Variants in RGS14 observed in about 807,000 individuals in gnomAD.
RGS14 encodes the protein regulator of G-protein signaling 14.
In RGS14, 33 loss-of-function variants were observed where a neutral mutation model predicts 63.8. That is an observed-to-expected ratio of 0.52 (90% CI 0.39 to 0.69). The LOEUF (loss-of-function observed/expected upper bound fraction) is 0.69. RGS14 is among the 30% of genes least tolerant of loss of function. The pLI is 0.00. For missense variants in RGS14, 739 were observed against 742.9 expected (o/e 0.99, Z 0.06); for synonymous variants, 296 against 320.9 (o/e 0.92, Z 0.83).
chr5:177,369,514 GC>G (rs1762189364), intron 9 of RGS14, among the ~76,000 whole-genome samples: 1 of 152,136 alleles, frequency 6.6e-6, no homozygotes, highest in Admixed American at 6.5e-5. Context: ...TGTCCTCCTG[GC>G]CCACAGGCTG....
At chr5:177,370,762 GCCCCGCCCCTGGGACAAA>G (rs1762220981) in intron 10 of RGS14, 98 bp downstream of exon 10, 3 of 1,482,086 alleles carry the variant, frequency 2.0e-6, no homozygotes, top group Non-Finnish European at 2.8e-6. Flanking sequence ...CCTCGTGCTA[GCCCCGCCCCTGGGACAAA>G]CCCCGCCCCC....
chr5:177,367,457 A>G lies in RGS14; in HGVS notation c.527A>G (p.Lys176Arg). Residue 176 changes from lysine (K) to arginine (R), a missense_variant, in exon 6 of 15, where the codon AAG (lysine) becomes AGG (arginine). Physicochemically the swap from Lys to Arg is conservative, Grantham distance 26 (BLOSUM62 2). Transcript: ENST00000408923. ...MKFDSYARFV[K>R]SPLYRECLLA... is the part of the protein sequence containing the mutation. Reference sequence around the variant, plus strand: ...TTCGACAGCTATGCGCGCTTCGTCAAGTCCCCGCTGTACCGCGAGTGCCTG... The same window carrying G: ...TTCGACAGCTATGCGCGCTTCGTCAGGTCCCCGCTGTACCGCGAGTGCCTG... The G allele has an allele frequency of 1.2e-6, 2 of 1,612,360 alleles. No homozygotes were observed. Among genetic ancestry groups the G allele is most frequent in the South Asian group, 1.1e-5 (1 of 90,652 alleles).
rs763415366 is a variant in RGS14 at position 177,371,135 on chromosome 5, G to C, written c.1255-30G>C. The C allele has an allele frequency of 3.8e-6, 6 of 1,593,206 alleles. No homozygotes were observed. The African/African-American group carries it at 8.1e-5, about 22-fold the overall frequency. ...CGGGGCCGGGGCCGGGCGGAGGCCTGTACCGCGGGCTGCTGACCTCTCCCC... is the reference window on the plus strand; with the variant it reads ...CGGGGCCGGGGCCGGGCGGAGGCCTCTACCGCGGGCTGCTGACCTCTCCCC... On this transcript the variant is annotated intron_variant, in intron 11 of 14. Coordinates refer to ENST00000408923, the MANE Select transcript of RGS14 (RefSeq NM_006480.5). The surrounding 1 kb of genome is among the most constrained non-coding windows in gnomAD (Gnocchi z 6.1).
rs1762257289 is a variant in RGS14, at chr5:177,371,167, A to C, written c.1257A>C (p.Pro419=). 6.2e-7 allele frequency: 1 copy of C among 1,610,796 alleles called. No individual in the cohort carries two copies. Residue 419 remains proline, a splice_region_variant and synonymous_variant, in exon 12 of 15, where the codon CCA becomes CCC. Coordinates refer to ENST00000408923, the MANE Select transcript of RGS14 (RefSeq NM_006480.5). The surrounding 1 kb of genome is among the most constrained non-coding windows in gnomAD (Gnocchi z 6.1). ...LSPLEVVLHR[P]GEKQPLDLGK... ...GGGCTGCTGACCTCTCCCCACAGCC[A>C]GGCGAGAAACAGCCTCTGGATCTGG...
Position 177,366,733 on chromosome 5 carries a change from C to G in RGS14, c.272C>G (p.Ala91Gly), listed in dbSNP as rs750967759. 2.5e-6 allele frequency: 4 copies of G among 1,614,036 alleles called. No individual in the cohort carries two copies. In the African/African-American group the frequency reaches 5.3e-5, roughly 22 times the overall value. Reference protein sequence around the residue: ...FTEFLKKEFSAENVTFWKACE... With the variant: ...FTEFLKKEFSGENVTFWKACE... ...GAGTTCCTGAAGAAGGAGTTCAGCG[C>G]GGAAAACGTGACTTTCTGGAAGGCC... Residue 91 changes from alanine (A) to glycine (G), a missense_variant, in exon 4 of 15, where the codon GCG becomes GGG. Transcript: ENST00000408923.
intron 1 of RGS14, among the ~76,000 whole-genome samples, chr5:177,363,292 C>A (rs1762013125): frequency 6.6e-6 from 1 of 151,546 alleles, no homozygotes; most frequent in Non-Finnish European, 1.5e-5. Flanking sequence ...GAGCGGGGAG[C>A]ACGAGAGCAG....
At chr5:177,368,978 A>G (rs775039074) in intron 9 of RGS14, 58 bp downstream of exon 9, 3 of 1,541,106 alleles carry the variant, frequency 1.9e-6, no homozygotes, top group Non-Finnish European at 2.7e-6. Context: ...CCCCAACTCC[A>G]TTTCTGTCTC....
intron 1 of RGS14, among the ~76,000 whole-genome samples, chr5:177,360,844 C>T (rs1197929863): frequency 6.6e-6 from 1 of 152,168 alleles, no homozygotes; most frequent in Admixed American, 6.5e-5. Context: ...ACCTGGGAGG[C>T]AGAGGTTGCA....
intron 2 of RGS14, 48 bp from the exon 3 acceptor site, chr5:177,366,129 G>C: frequency 6.2e-7 from 1 of 1,601,860 alleles, no homozygotes; most frequent in South Asian, 1.1e-5. Context: ...TGTGCCAGGG[G>C]CTGGGGAAGG....
In RGS14 at chr5:177,371,410, G is replaced by T. The variant is rs1227309588; in HGVS notation, c.1383+14G>T. ...TGCCGCAGCCAGGTGAGCGAAAGGC[G>T]AGTGGCCTCTTCCACCCTCTGCTTC... On this transcript the variant is annotated intron_variant, in intron 13 of 14. Transcript: ENST00000408923. This position sits in a 1 kb window ranked among gnomAD's most constrained non-coding sequence, Gnocchi z 6.1. 12 of 1,613,978 alleles carry T rather than the reference G, an allele frequency of 7.4e-6. No individual in the cohort carries two copies. The highest frequency in any genetic ancestry group is 9.3e-6 in the Non-Finnish European group (11 of 1,180,012).
intron 7 of RGS14, 137 bp downstream of exon 7, chr5:177,367,962 A>G (rs1286007320): frequency 2.1e-6 from 3 of 1,435,690 alleles, no homozygotes; most frequent in African/African-American, 2.9e-5. Flanking sequence ...TGACCACCAC[A>G]CTCCCCTGGG....
rs1326443903 is a variant in RGS14 at position 177,371,078 on chromosome 5, G to A, written c.1254+47G>A. ...CGGGGCGGGGCGGGGCCGGGCCGGGGCCGGGGCCGGGGCCGGGGCCGGGGC... is the reference window on the plus strand; with the variant it reads ...CGGGGCGGGGCGGGGCCGGGCCGGGACCGGGGCCGGGGCCGGGGCCGGGGC... On this transcript the variant is annotated intron_variant, in intron 11 of 14. Transcript: ENST00000408923. This position sits in a 1 kb window ranked among gnomAD's most constrained non-coding sequence, Gnocchi z 6.1. 1 of 306,358 alleles carries A rather than the reference G, an allele frequency of 3.3e-6. No individual in the cohort carries two copies. Among genetic ancestry groups the A allele is most frequent in the Non-Finnish European group, 3.9e-6 (1 of 258,556 alleles). The allele number at this position is 306,358 out of a possible 1,614,324, so 19.0% of individuals were successfully genotyped here. A position where few individuals can be genotyped will look rare whatever the true frequency, so the allele number is the denominator to read the frequency against.
At chr5:177,367,187 G>A in intron 5 of RGS14, 153 bp downstream of exon 5, 1 of 1,196,854 alleles carries the variant, frequency 8.4e-7, no homozygotes, top group Non-Finnish European at 1.2e-6. Flanking sequence ...GCGGAGCTCA[G>A]AGGGCGGTAT....
chr5:177,367,003 G>C lies in RGS14; in HGVS notation c.452G>C (p.Arg151Pro). 1 of 1,612,594 alleles carries C rather than the reference G, an allele frequency of 6.2e-7. No individual in the cohort carries two copies. The highest frequency in any genetic ancestry group is 8.5e-7 in the Non-Finnish European group (1 of 1,179,728). Residue 151 changes from arginine to proline, a missense_variant, in exon 5 of 15, where the codon CGG (arginine) becomes CCG (proline). Physicochemically the swap from Arg to Pro is moderately radical, Grantham distance 103. Coordinates refer to ENST00000408923, the MANE Select transcript of RGS14 (RefSeq NM_006480.5). ...WLGEEVLAEP[R>P]PDMFRAQQLQ... The stretch of plus-strand genomic sequence containing the variant: ...GGCGAGGAGGTGCTGGCCGAGCCCC[G>C]GCCGGACATGTTTCGGGCACAGCAG...
rs1446329465 is a variant in RGS14 at position 177,363,453 on chromosome 5, T to G, written c.46-2510T>G. On this transcript the variant is annotated intron_variant, in intron 1 of 14. Coordinates refer to ENST00000408923, the MANE Select transcript of RGS14 (RefSeq NM_006480.5). Reference sequence around the variant, plus strand: ...CGAAGCTCAGGGAGGAGCCCGAAGTTGTAAAACTGGAAAAAGTCAGGGCTG... The same window carrying G: ...CGAAGCTCAGGGAGGAGCCCGAAGTGGTAAAACTGGAAAAAGTCAGGGCTG... Among the ~76,000 whole-genome samples the G allele has an allele frequency of 2.0e-5, 3 of 152,136 alleles. No individual in the cohort carries two copies. The East Asian group carries it at 5.8e-4, about 29-fold the overall frequency.
At chr5:177,367,153 G>A in intron 5 of RGS14, 119 bp downstream of exon 5, 2 of 1,352,824 alleles carry the variant, frequency 1.5e-6, no homozygotes, top group Non-Finnish European at 2.0e-6. Context: ...GGCGGAGACA[G>A]AGCCAAATGC....
chr5:177,370,758 G>T lies in RGS14; in HGVS notation c.1127+94G>T, dbSNP rs1222876071. ...TGGCTCCCCAGGCCCCGCCCCTCGT[G>T]CTAGCCCCGCCCCTGGGACAAACCC... On this transcript the variant is annotated intron_variant, in intron 10 of 14. Coordinates refer to ENST00000408923, the MANE Select transcript of RGS14 (RefSeq NM_006480.5). The T allele has an allele frequency of 2.7e-6, 4 of 1,496,594 alleles. No homozygotes were observed. In the Admixed American group the frequency reaches 5.6e-5, roughly 21 times the overall value. 92.7% of individuals were successfully genotyped at this position (1,496,594 alleles called of 1,614,324 possible). A position where few individuals can be genotyped will look rare whatever the true frequency, so the allele number is the denominator to read the frequency against.
In RGS14 at chr5:177,371,216, G is replaced by A. The variant is rs1762259534; in HGVS notation, c.1306G>A (p.Ala436Thr). ...GGGGAAGCTAGTGAGCTCGGTGGCG[G>A]CCCAGAGACTGGTTTTGGACACTCT... ...DLGKLVSSVA[A>T]QRLVLDTLPG... Residue 436 changes from alanine to threonine, a missense_variant, in exon 12 of 15, where the codon GCC (alanine) becomes ACC (threonine). By Grantham distance (58) the Ala-to-Thr change is moderately conservative. Transcript: ENST00000408923. The surrounding 1 kb of genome is among the most constrained non-coding windows in gnomAD (Gnocchi z 6.1). The A allele has an allele frequency of 3.1e-6, 5 of 1,613,802 alleles. No homozygotes were observed. Among genetic ancestry groups the A allele is most frequent in the African/African-American group, 2.7e-5 (2 of 74,904 alleles).
At chr5:177,369,949 C>G (rs748219395) in intron 9 of RGS14, among the ~76,000 whole-genome samples, 2 of 152,222 alleles carry the variant, frequency 1.3e-5, no homozygotes, top group African/African-American at 2.4e-5. Flanking sequence ...CAGGCTGGAG[C>G]AGGCAGTGGG....
Sources: gnomAD v4.1 joint callset for allele counts (sites outside exome capture counted in the v4.1 genomes callset) on GRCh38, gnomAD v4.1.1 for gene constraint, Gnocchi (gnomAD v3.1) non-coding constraint, MANE v1.5 for transcripts, NCBI Gene and HGNC (gene_info 2026-07-23, HGNC 2026-07-21) for gene names.